DOC2B: variants seen among roughly 807,000 people sequenced by gnomAD.
The protein encoded by DOC2B is double C2 domain beta.
A neutral mutation model predicts 28.9 loss-of-function variants in DOC2B; 21 were observed. That is an observed-to-expected ratio of 0.73 (90% CI 0.52 to 1.05). The LOEUF is 1.05. Among genes scored for constraint, DOC2B ranks in the 50% least tolerant of loss-of-function variants. The pLI is 0.00. For missense variants in DOC2B, 384 were observed against 421.1 expected (o/e 0.91, Z 0.77); for synonymous variants, 194 against 178.1 (o/e 1.09, Z -0.71).
intron 3 of DOC2B, 102 bp downstream of exon 3, chr17:164,028 G>T (rs991753473): frequency 7.8e-6 from 7 of 898,134 alleles, no homozygotes; most frequent in African/African-American, 3.3e-5. Context: ...CTCCCTGGGT[G>T]CCCGCAGCCC....
At chr17:151,661 T>C (rs1314476764) in intron 6 of DOC2B, among the ~76,000 whole-genome samples, 5 of 152,188 alleles carry the variant, frequency 3.3e-5, no homozygotes, top group Admixed American at 3.3e-4. Context: ...ATTGGTATAT[T>C]GTGTCTGCTG....
chr17:179,110 T>C (rs1377627761), intron 1 of DOC2B, among the ~76,000 whole-genome samples: 1 of 152,200 alleles, frequency 6.6e-6, no homozygotes. Flanking sequence ...CACACCGTCC[T>C]CCTTAGCTCC....
intron 5 of DOC2B, 44 bp from the exon 6 acceptor site, chr17:156,421 C>T: frequency 6.5e-7 from 1 of 1,541,078 alleles, no homozygotes; most frequent in South Asian, 1.2e-5. Context: ...GCTCCCACCC[C>T]TCTCTTGGCC....
chr17:143,689 G>A lies in DOC2B; in HGVS notation c.*3752C>T, dbSNP rs1377393153. The A allele has an allele frequency of 6.6e-6, 1 of 152,066 alleles. No homozygotes were observed. The highest frequency in any genetic ancestry group is 2.4e-5 in the African/African-American group (1 of 41,380). The allele number at this position is 152,066 out of a possible 1,614,324, so 9.4% of individuals were successfully genotyped here. On this transcript the variant is annotated 3_prime_UTR_variant, in exon 9 of 9. Transcript: ENST00000613549. Reference sequence around the variant, plus strand: ...AAGGTGAGAGTCTCGCCAAGGCAATGAGATCGCAATATGACGTTTCCATTT... The same window carrying A: ...AAGGTGAGAGTCTCGCCAAGGCAATAAGATCGCAATATGACGTTTCCATTT...
intron 2 of DOC2B, among the ~76,000 whole-genome samples, chr17:165,507 G>A (rs1036716046): frequency 6.7e-6 from 1 of 150,312 alleles, no homozygotes; most frequent in East Asian, 2.0e-4. Context: ...AAAAAAAAAA[G>A]GGCGGGGGTG....
At chr17:155,474 C>T (rs1042069857) in intron 6 of DOC2B, among the ~76,000 whole-genome samples, 3 of 152,128 alleles carry the variant, frequency 2.0e-5, no homozygotes, top group African/African-American at 4.8e-5. Context: ...CCCTGAAGCA[C>T]CTGCCCCTCC....
At position 143,249 on chromosome 17, in the gene DOC2B, TG is replaced by T. The variant is rs2039996609; in HGVS notation, c.*4191del. On this transcript the variant is annotated 3_prime_UTR_variant, in exon 9 of 9. Coordinates refer to ENST00000613549, the MANE Select transcript of DOC2B (RefSeq NM_003585.5). ...GGGCCTACCTCAAATGGGTCCCTGG[TG>T]AAGAGTAACAAGACTATATCCGGAG... The T allele has an allele frequency of 1.3e-5, 2 of 152,114 alleles. No individual in the cohort carries two copies. Among genetic ancestry groups the T allele is most frequent in the African/African-American group, 2.4e-5 (1 of 41,400 alleles). The allele number at this position is 152,114 out of a possible 1,614,324, so 9.4% of individuals were successfully genotyped here. A position where few individuals can be genotyped will look rare whatever the true frequency, so the allele number is the denominator to read the frequency against.
chr17:161,050 T>C (rs17054915), intron 5 of DOC2B, among the ~76,000 whole-genome samples: 2,508 of 152,180 alleles, frequency 0.016, 60 homozygotes, highest in African/African-American at 0.057. Flanking sequence ...CCTGCACATC[T>C]GGTTCAGAAT....
chr17:157,030 C>T (rs918562173), intron 5 of DOC2B, among the ~76,000 whole-genome samples: 9 of 152,252 alleles, frequency 5.9e-5, no homozygotes, highest in Admixed American at 3.3e-4. Flanking sequence ...TCTATGGCTG[C>T]TTTTGCCCTA....
chr17:170,828 C>T (rs1301621208), intron 2 of DOC2B, among the ~76,000 whole-genome samples: 2 of 116,596 alleles, frequency 1.7e-5, no homozygotes, highest in Non-Finnish European at 3.7e-5. Context: ...CACCAGGGGC[C>T]GGGCCAGGCT....
rs2040003101 is a variant in DOC2B, at chr17:144,102, C to CGGGGCGGCGGGCGGGGCGGCGGGG, written c.*3338_*3339insCCCCGCCGCCCCGCCCGCCGCCCC. ...GCGGGGCGGCGGGCGGGGCGGCGGG[C>CGGGGCGGCGGGCGGGGCGGCGGGG]GGGGCGGCGCTGGAGGCAGCGCCTG... On this transcript the variant is annotated 3_prime_UTR_variant, in exon 9 of 9. Transcript: ENST00000613549. 3.7e-5 allele frequency: 1 copy of CGGGGCGGCGGGCGGGGCGGCGGGG among 26,944 alleles called. No individual in the cohort carries two copies. Among genetic ancestry groups the CGGGGCGGCGGGCGGGGCGGCGGGG allele is most frequent in the Non-Finnish European group, 7.5e-5 (1 of 13,260 alleles). 1.7% of individuals were successfully genotyped at this position (26,944 alleles called of 1,614,324 possible).
chr17:158,349 C>T (rs1429389254), intron 5 of DOC2B, among the ~76,000 whole-genome samples: 1 of 152,104 alleles, frequency 6.6e-6, no homozygotes, highest in African/African-American at 2.4e-5. Flanking sequence ...AGGACTCTAC[C>T]AGGCTCCTCT....
chr17:161,446 G>A lies in DOC2B; in HGVS notation c.734C>T (p.Thr245Ile). The change falls in exon 5 of 9, where the codon ACC becomes ATC. Residue 245 changes from threonine (T) to isoleucine (I), a missense_variant. Coordinates refer to ENST00000613549, the MANE Select transcript of DOC2B (RefSeq NM_003585.5). ...LKKLKPNHTK[T>I]FSICLEKQLP... Reference sequence around the variant, plus strand: ...CTGCTTCTCCAGGCAGATGCTGAAGGTCTTGGTGTGGTTGGGTTTCAGCTT... The same window carrying A: ...CTGCTTCTCCAGGCAGATGCTGAAGATCTTGGTGTGGTTGGGTTTCAGCTT... 6.4e-7 allele frequency: 1 copy of A among 1,551,706 alleles called. No homozygotes were observed. The highest frequency in any genetic ancestry group is 8.7e-7 in the Non-Finnish European group (1 of 1,146,982).
chr17:163,905 T>C (rs1227331138), intron 3 of DOC2B, among the ~76,000 whole-genome samples: 1 of 152,194 alleles, frequency 6.6e-6, no homozygotes, highest in Non-Finnish European at 1.5e-5. Context: ...CGCTGACTCG[T>C]GAGGTCCCCA....
chr17:165,221 G>A (rs2040248579), intron 2 of DOC2B, among the ~76,000 whole-genome samples: 1 of 152,154 alleles, frequency 6.6e-6, no homozygotes, highest in South Asian at 2.1e-4. Context: ...ATCTGTTAAA[G>A]GGGTTGGCCG....
intron 3 of DOC2B, among the ~76,000 whole-genome samples, chr17:162,871 G>T (rs1555523440): frequency 3.3e-5 from 5 of 152,150 alleles, no homozygotes; most frequent in Non-Finnish European, 7.4e-5. Context: ...CCGTCCTTGG[G>T]TCTGCCTCGG....
intron 1 of DOC2B, among the ~76,000 whole-genome samples, chr17:174,259 C>T (rs1017976397): frequency 6.6e-6 from 1 of 152,210 alleles, no homozygotes; most frequent in African/African-American, 2.4e-5. Flanking sequence ...CAAATCCCAG[C>T]GTGCACTTCC....
chr17:155,034 T>A (rs2040118067), intron 6 of DOC2B, among the ~76,000 whole-genome samples: 5 of 152,078 alleles, frequency 3.3e-5, no homozygotes, highest in Admixed American at 3.3e-4. Context: ...CAGCCTAATT[T>A]ATTACTATTT....
chr17:149,778 T>A (rs2151458045), intron 6 of DOC2B, among the ~76,000 whole-genome samples: 1 of 152,344 alleles, frequency 6.6e-6, no homozygotes, highest in Admixed American at 6.5e-5. Context: ...AGTGCTGGGA[T>A]TACAGGCGTG....
Sources: allele counts gnomAD v4.1 joint callset (sites outside exome capture counted in the v4.1 genomes callset), GRCh38; gene constraint gnomAD v4.1.1; transcripts MANE v1.5; gene names NCBI Gene and HGNC (gene_info 2026-07-23, HGNC 2026-07-21).